Variants in CBLL1 observed in about 807,000 individuals in gnomAD.
CBLL1 encodes the protein E3 ubiquitin-protein ligase Hakai.
A neutral mutation model predicts 44.9 loss-of-function variants in CBLL1; 4 were observed. The ratio of observed to expected loss-of-function variants is 0.09; its 90% CI spans 0.04 to 0.20. The LOEUF (loss-of-function observed/expected upper bound fraction) is 0.20, where lower values mean the gene tolerates loss of function less well. CBLL1 is among the 10% of genes least tolerant of loss of function. CBLL1 has a pLI of 1.00. For missense variants in CBLL1, 569 were observed against 636.7 expected (o/e 0.89, Z 1.14); for synonymous variants, 235 against 202.2 (o/e 1.16, Z -1.38).
Position 107,760,351 on chromosome 7 carries a change from ATTCC to A in CBLL1, c.*1176_*1179del, listed in dbSNP as rs1313075511. ...TGAAATTTAAAAACTTTTATTTCCTATTCCTTTTGTCGGTAAAGCAGTCTGAATT... is the reference window on the plus strand; with the variant it reads ...TGAAATTTAAAAACTTTTATTTCCTATTTTGTCGGTAAAGCAGTCTGAATT... On this transcript the variant is annotated 3_prime_UTR_variant, in exon 6 of 6. Coordinates refer to ENST00000440859, the MANE Select transcript of CBLL1 (RefSeq NM_024814.4). 6.6e-6 allele frequency: 1 copy of A among 152,222 alleles called. No individual in the cohort carries two copies. Among genetic ancestry groups the A allele is most frequent in the African/African-American group, 2.4e-5 (1 of 41,430 alleles). 9.4% of individuals were successfully genotyped at this position (152,222 alleles called of 1,614,324 possible).
At chr7:107,745,384 G>A (rs1008054073) in intron 1 of CBLL1, among the ~76,000 whole-genome samples, 2 of 152,126 alleles carry the variant, frequency 1.3e-5, no homozygotes, top group African/African-American at 2.4e-5. Flanking sequence ...CAGCAAGTGC[G>A]AAGGCACTGA....
intron 1 of CBLL1, 24 bp from the exon 2 acceptor site, chr7:107,748,856 T>G: frequency 6.5e-7 from 1 of 1,548,976 alleles, no homozygotes; most frequent in Admixed American, 2.1e-5. Flanking sequence ...TAAAAGAAAT[T>G]ACAACTTTTT....
At chr7:107,744,404 C>T (rs756872) in intron 1 of CBLL1, 220,212 of 490,142 alleles carry the variant, frequency 0.45, 49,852 homozygotes, top group East Asian at 0.64. Context: ...CGCTCCTACT[C>T]TGGTTCTGCT....
At chr7:107,746,323 A>C (rs1793012189) in intron 1 of CBLL1, among the ~76,000 whole-genome samples, 1 of 152,228 alleles carries the variant, frequency 6.6e-6, no homozygotes, top group Admixed American at 6.5e-5. Flanking sequence ...TCTTAACATG[A>C]AAATACTCAC....
intron 2 of CBLL1, 45 bp downstream of exon 2, chr7:107,749,092 TG>T: frequency 6.3e-7 from 1 of 1,585,090 alleles, no homozygotes; most frequent in Non-Finnish European, 8.6e-7. Context: ...CTGTTTTATC[TG>T]ATTGCTTCGG....
intron 3 of CBLL1, 36 bp downstream of exon 3, chr7:107,753,547 A>C: frequency 8.3e-7 from 1 of 1,208,202 alleles, no homozygotes; most frequent in South Asian, 1.5e-5. Context: ...TTATAACAAT[A>C]AAATATTTTA....
In CBLL1 at chr7:107,759,326, TCTTGAC is replaced by T; in HGVS notation, c.*152_*157del. ...TCTTGTTTCTTAAAATGGTTTTAAA[TCTTGAC>T]CTTAAGATTGATTTCAAGTACCATA... On this transcript the variant is annotated 3_prime_UTR_variant, in exon 6 of 6. Coordinates refer to ENST00000440859, the MANE Select transcript of CBLL1 (RefSeq NM_024814.4). The T allele has an allele frequency of 1.5e-6, 1 of 689,150 alleles. No individual in the cohort carries two copies. The highest frequency in any genetic ancestry group is 2.4e-6 in the Non-Finnish European group (1 of 421,086). The allele number at this position is 689,150 out of a possible 1,614,324, so 42.7% of individuals were successfully genotyped here.
rs1793601832 is a variant in CBLL1, at chr7:107,757,929, G to T, written c.441-214G>T. On this transcript the variant is annotated intron_variant, in intron 5 of 5. Coordinates refer to ENST00000440859, the MANE Select transcript of CBLL1 (RefSeq NM_024814.4). The stretch of plus-strand genomic sequence containing the variant: ...TGAAACATACCGTTTGATATTAGGA[G>T]TTCTGAAGTTGACAGAAATGCCTAT... Among the ~76,000 whole-genome samples the T allele has an allele frequency of 2.0e-5, 3 of 152,088 alleles. No individual in the cohort carries two copies. The South Asian group carries it at 6.2e-4, about 31-fold the overall frequency.
At chr7:107,744,824 A>G (rs1792927932) in intron 1 of CBLL1, 1 of 152,250 alleles carries the variant, frequency 6.6e-6, no homozygotes, top group Non-Finnish European at 1.5e-5. Context: ...AGGCATTCTC[A>G]TACTTTTCTC....
At chr7:107,746,222 T>G (rs976711298) in intron 1 of CBLL1, among the ~76,000 whole-genome samples, 2 of 152,208 alleles carry the variant, frequency 1.3e-5, no homozygotes. Context: ...TAGAGGCTAT[T>G]ATGTTAGGAA....
At chr7:107,746,061 C>T (rs562717125) in intron 1 of CBLL1, among the ~76,000 whole-genome samples, 1 of 152,236 alleles carries the variant, frequency 6.6e-6, no homozygotes, top group African/African-American at 2.4e-5. Flanking sequence ...AGAAGCCGGC[C>T]TAGAACGAGG....
Position 107,757,914 on chromosome 7 carries a change from C to T in CBLL1, c.441-229C>T, listed in dbSNP as rs892252243. 2.6e-5 allele frequency among the ~76,000 whole-genome samples: 4 copies of T among 151,892 alleles called. No homozygotes were observed. In the South Asian group the frequency reaches 6.2e-4, roughly 24 times the overall value. On this transcript the variant is annotated intron_variant, in intron 5 of 5. Coordinates refer to ENST00000440859, the MANE Select transcript of CBLL1 (RefSeq NM_024814.4). ...AATGAGGTCTCTTCTTGAAACATAC[C>T]GTTTGATATTAGGAGTTCTGAAGTT...
At chr7:107,749,534 C>T (rs13231387) in intron 2 of CBLL1, among the ~76,000 whole-genome samples, 35,082 of 150,680 alleles carry the variant, frequency 0.23, 4,739 homozygotes, top group South Asian at 0.45. Context: ...AACATTGCAC[C>T]AAATATTCTT....
chr7:107,746,869 T>C (rs1251023854), intron 1 of CBLL1, among the ~76,000 whole-genome samples: 1 of 152,238 alleles, frequency 6.6e-6, no homozygotes, highest in Non-Finnish European at 1.5e-5. Flanking sequence ...TCCCAGATTT[T>C]GTAAAAGATC....
At chr7:107,744,315 T>C (rs1464688501) in intron 1 of CBLL1, 139 bp downstream of exon 1, 2 of 1,090,928 alleles carry the variant, frequency 1.8e-6, no homozygotes, top group East Asian at 3.1e-5. Flanking sequence ...CACAGATGCC[T>C]TCCTGTGCCC....
chr7:107,751,308 T>C (rs962338309), intron 2 of CBLL1, among the ~76,000 whole-genome samples: 17 of 152,180 alleles, frequency 1.1e-4, no homozygotes, highest in Non-Finnish European at 2.2e-4. Flanking sequence ...CAAGTGGTAA[T>C]GCTCCCTAGC....
At chr7:107,752,019 G>A (rs2115650562) in intron 2 of CBLL1, among the ~76,000 whole-genome samples, 1 of 152,136 alleles carries the variant, frequency 6.6e-6, no homozygotes, top group Middle Eastern at 3.4e-3. Context: ...CTAACACAGT[G>A]AAACCTCGTC....
intron 5 of CBLL1, among the ~76,000 whole-genome samples, chr7:107,756,978 T>C (rs545371137): frequency 1.1e-4 from 16 of 152,118 alleles, no homozygotes; most frequent in African/African-American, 3.9e-4. Flanking sequence ...AAGGTGGAGA[T>C]AGTTCGGAGT....
intron 5 of CBLL1, among the ~76,000 whole-genome samples, chr7:107,757,687 C>T (rs1158800337): frequency 2.0e-5 from 3 of 152,082 alleles, no homozygotes; most frequent in African/African-American, 7.2e-5. Flanking sequence ...TGTTGTAGTC[C>T]TTGCAATGTC....
Sources: gnomAD v4.1 joint callset for allele counts (sites outside exome capture counted in the v4.1 genomes callset) on GRCh38, gnomAD v4.1.1 for gene constraint, MANE v1.5 for transcripts, NCBI Gene and HGNC (gene_info 2026-07-23, HGNC 2026-07-21) for gene names.